Variants in DLGAP2 observed in about 807,000 individuals in gnomAD.
DLGAP2 encodes disks large-associated protein 2.
In DLGAP2, 26 loss-of-function variants were observed where a neutral mutation model predicts 100.3. The observed-to-expected ratio is 0.26, with a 90% CI of 0.19 to 0.36. The LOEUF (loss-of-function observed/expected upper bound fraction) is 0.36, where lower values mean the gene tolerates loss of function less well. Ranked by LOEUF, DLGAP2 falls within the 10% of genes least tolerant of loss-of-function variation. DLGAP2 has a pLI of 1.00. For missense variants in DLGAP2, 1,858 were observed against 1,453.2 expected, an observed-to-expected ratio of 1.28 and a Z score of -4.53; for synonymous variants, 886 against 630.1, an observed-to-expected ratio of 1.41 and a Z score of -6.08.
At chr8:1,640,949 G>A (rs1797884065) in intron 8 of DLGAP2, among the ~76,000 whole-genome samples, 1 of 152,226 alleles carries the variant, frequency 6.6e-6, no homozygotes, top group Non-Finnish European at 1.5e-5. Context: ...ATGAAAGCCG[G>A]TTGGCCCTGG....
intron 6 of DLGAP2, chr8:1,622,175 C>T (rs772451966): frequency 2.6e-5 from 4 of 152,350 alleles, no homozygotes; most frequent in African/African-American, 7.2e-5. Flanking sequence ...CACTGTTTAG[C>T]GTGCTCCATT....
At chr8:839,117 C>T (rs1017847235) in intron 1 of DLGAP2, among the ~76,000 whole-genome samples, 1 of 152,126 alleles carries the variant, frequency 6.6e-6, no homozygotes, top group Non-Finnish European at 1.5e-5. Context: ...GAAAAGGGAA[C>T]CCTAGTGCTC....
intron 1 of DLGAP2, among the ~76,000 whole-genome samples, chr8:883,813 C>T (rs999131357): frequency 3.3e-5 from 5 of 152,214 alleles, no homozygotes; most frequent in Non-Finnish European, 5.9e-5. Flanking sequence ...GCAACAGGCC[C>T]TGGTGTGTGT....
chr8:739,101 A>G (rs1462065362), intron 1 of DLGAP2: 1 of 153,274 alleles, frequency 6.5e-6, no homozygotes. Flanking sequence ...AGATAAAGCG[A>G]TCAGCAGTGA....
At chr8:1,175,885 C>G (rs1161544360) in intron 2 of DLGAP2, among the ~76,000 whole-genome samples, 1 of 152,206 alleles carries the variant, frequency 6.6e-6, no homozygotes, top group Non-Finnish European at 1.5e-5. Flanking sequence ...TGTTTATTAT[C>G]CACATAGCCA....
intron 2 of DLGAP2, among the ~76,000 whole-genome samples, chr8:1,118,943 A>G (rs985536976): frequency 6.6e-6 from 1 of 152,254 alleles, no homozygotes; most frequent in African/African-American, 2.4e-5. Flanking sequence ...ATGCTTACAT[A>G]GAATAATTTA....
chr8:820,786 A>G (rs925215720), intron 1 of DLGAP2, among the ~76,000 whole-genome samples: 7 of 152,220 alleles, frequency 4.6e-5, no homozygotes, highest in Non-Finnish European at 1.0e-4. Flanking sequence ...TTCTTAGGAA[A>G]TGGGAAAATT....
chr8:747,107 G>T (rs2132564984), intron 1 of DLGAP2, among the ~76,000 whole-genome samples: 1 of 152,098 alleles, frequency 6.6e-6, no homozygotes. Flanking sequence ...GGGCTGGGGA[G>T]AGCGACACTG....
At chr8:1,338,519 G>A (rs1801339794) in intron 3 of DLGAP2, among the ~76,000 whole-genome samples, 1 of 152,212 alleles carries the variant, frequency 6.6e-6, no homozygotes, top group Non-Finnish European at 1.5e-5. Flanking sequence ...TACAGAATAT[G>A]TTTTGGGGTG....
chr8:1,551,494 T>G (rs1483007705), intron 5 of DLGAP2, among the ~76,000 whole-genome samples: 1 of 152,146 alleles, frequency 6.6e-6, no homozygotes, highest in Admixed American at 6.5e-5. Flanking sequence ...CCTGTGCCCC[T>G]TGGACCTGCC....
chr8:1,555,418 C>G (rs561037568), intron 5 of DLGAP2, among the ~76,000 whole-genome samples: 1 of 152,344 alleles, frequency 6.6e-6, no homozygotes, highest in Non-Finnish European at 1.5e-5. Flanking sequence ...TTCCTGACTG[C>G]AAAGCCTGTG....
At chr8:1,112,475 C>T (rs1804989198) in intron 2 of DLGAP2, among the ~76,000 whole-genome samples, 1 of 152,202 alleles carries the variant, frequency 6.6e-6, no homozygotes, top group Non-Finnish European at 1.5e-5. Context: ...CTCCTCACCT[C>T]ATGATTCACC....
intron 2 of DLGAP2, among the ~76,000 whole-genome samples, chr8:1,194,795 T>C (rs1369140900): frequency 6.6e-6 from 1 of 152,194 alleles, no homozygotes; most frequent in Non-Finnish European, 1.5e-5. Context: ...AGAAGTCTCT[T>C]ATCGTCCTCT....
rs1188525199 is a variant in DLGAP2 at position 1,676,543 on chromosome 8, C to G, written c.2213C>G (p.Ala738Gly). The G allele has an allele frequency of 9.3e-6, 15 of 1,613,204 alleles. No homozygotes were observed. Among genetic ancestry groups the G allele is most frequent in the Non-Finnish European group, 1.3e-5 (15 of 1,179,596 alleles). Residue 738 changes from alanine to glycine, a missense_variant, in exon 11 of 15, where the codon GCC becomes GGC. Ala to Gly is a moderately conservative substitution (Grantham distance 60). Coordinates refer to ENST00000637795, the MANE Select transcript of DLGAP2 (RefSeq NM_001346810.2). ...TCTCTGTTGAATTAGGTGGAAACGG[C>G]CACAGATTCTGACACGGAGAGCCGC... ...QPYPRSDVET[A>G]TDSDTESRGL...
intron 3 of DLGAP2, among the ~76,000 whole-genome samples, chr8:1,267,510 G>A (rs1217060225): frequency 6.7e-6 from 1 of 149,786 alleles, no homozygotes; most frequent in Non-Finnish European, 1.5e-5. Flanking sequence ...AGTGAGCTGA[G>A]ATTGTGCCAC....
chr8:786,492 C>G (rs971161306), intron 1 of DLGAP2, among the ~76,000 whole-genome samples: 10 of 152,194 alleles, frequency 6.6e-5, no homozygotes, highest in East Asian at 1.9e-4. Context: ...TTCCCACCCC[C>G]ACATAAGTGT....
chr8:1,037,372 G>A (rs1237438084), intron 2 of DLGAP2, among the ~76,000 whole-genome samples: 1 of 152,012 alleles, frequency 6.6e-6, no homozygotes, highest in Non-Finnish European at 1.5e-5. Flanking sequence ...GTTCCGCCTC[G>A]GGCCCAGGGC....
chr8:1,435,032 C>G (rs1797574774), intron 3 of DLGAP2, among the ~76,000 whole-genome samples: 1 of 152,172 alleles, frequency 6.6e-6, no homozygotes, highest in African/African-American at 2.4e-5. Flanking sequence ...TGAGCTTTGC[C>G]AACATTTCAA....
At chr8:1,508,989 T>C (rs993783752) in intron 4 of DLGAP2, among the ~76,000 whole-genome samples, 17 of 152,274 alleles carry the variant, frequency 1.1e-4, no homozygotes, top group African/African-American at 4.1e-4. Context: ...GAATTCAAGT[T>C]ACTGGTCACT....
Sources: allele counts gnomAD v4.1 joint callset (sites outside exome capture counted in the v4.1 genomes callset), GRCh38; gene constraint gnomAD v4.1.1; transcripts MANE v1.5; gene names NCBI Gene and HGNC (gene_info 2026-07-23, HGNC 2026-07-21).